Variants in PALLD observed in about 807,000 individuals in gnomAD.
PALLD encodes palladin, cytoskeletal associated protein, also known as palladin.
Under a neutral mutation model 123.5 loss-of-function variants are expected in PALLD, and 61 were observed. That is an observed-to-expected ratio of 0.49 (90% CI 0.40 to 0.61). The LOEUF (loss-of-function observed/expected upper bound fraction) is 0.61, where lower values mean the gene tolerates loss of function less well. PALLD is among the 20% of genes least tolerant of loss of function. The pLI, the probability that PALLD is intolerant of heterozygous loss-of-function variation, is 0.00. For synonymous variants in PALLD, 465 were observed against 496.4 expected (o/e 0.94, Z 0.84); for missense variants, 1,273 against 1,377.0 (o/e 0.92, Z 1.20).
chr4:168,822,359 G>A (rs1581643477), intron 10 of PALLD, among the ~76,000 whole-genome samples: 1 of 152,226 alleles, frequency 6.6e-6, no homozygotes, highest in East Asian at 1.9e-4. Flanking sequence ...AAGGAAATCT[G>A]TAGGCACTTA....
chr4:168,617,151 C>T (rs1363460703), intron 2 of PALLD, among the ~76,000 whole-genome samples: 3 of 152,170 alleles, frequency 2.0e-5, no homozygotes, highest in African/African-American at 7.2e-5. Context: ...AATTTGACAA[C>T]AATGAGCCTG....
chr4:168,730,160 T>A (rs11943502), intron 10 of PALLD, among the ~76,000 whole-genome samples: 92,893 of 152,008 alleles, frequency 0.61, 28,838 homozygotes, highest in African/African-American at 0.72. Context: ...TATTATTACA[T>A]TAATAAAACT....
chr4:168,673,987 T>C (rs1780578504), intron 3 of PALLD, among the ~76,000 whole-genome samples: 1 of 152,056 alleles, frequency 6.6e-6, no homozygotes, highest in Non-Finnish European at 1.5e-5. Context: ...CGATCTCGGC[T>C]CACTGCAACC....
chr4:168,919,906 G>A (rs1761083911), intron 17 of PALLD, among the ~76,000 whole-genome samples: 1 of 152,176 alleles, frequency 6.6e-6, no homozygotes, highest in Admixed American at 6.5e-5. Context: ...GGTACAAGGG[G>A]CATTCTCTTT....
At chr4:168,924,610 G>C (rs192510579) in intron 19 of PALLD, among the ~76,000 whole-genome samples, 190 bp downstream of exon 19, 5 of 152,230 alleles carry the variant, frequency 3.3e-5, no homozygotes, top group African/African-American at 7.2e-5. Context: ...GGAAGCTATG[G>C]GTGTTTGATC....
At chr4:168,876,977 C>T (rs1359145051) in intron 10 of PALLD, among the ~76,000 whole-genome samples, 1 of 152,130 alleles carries the variant, frequency 6.6e-6, no homozygotes, top group African/African-American at 2.4e-5. Flanking sequence ...TATCTCTTCT[C>T]AATGGTAAAT....
intron 14 of PALLD, among the ~76,000 whole-genome samples, chr4:168,899,743 C>T (rs1463743397): frequency 6.6e-6 from 1 of 151,876 alleles, no homozygotes; most frequent in Non-Finnish European, 1.5e-5. Context: ...ATGGTGAAAC[C>T]CCATCTCTAC....
chr4:168,517,220 T>A (rs1281108767), intron 2 of PALLD, among the ~76,000 whole-genome samples: 1 of 152,180 alleles, frequency 6.6e-6, no homozygotes, highest in Admixed American at 6.5e-5. Context: ...TCCTGTTTTA[T>A]CTACAAGTAG....
At chr4:168,541,848 G>A (rs1314035737) in intron 2 of PALLD, among the ~76,000 whole-genome samples, 1 of 152,158 alleles carries the variant, frequency 6.6e-6, no homozygotes, top group Admixed American at 6.5e-5. Flanking sequence ...ATGTTGAAAA[G>A]TGTCCCTTCC....
chr4:168,498,939 C>T (rs1761038676), intron 1 of PALLD, among the ~76,000 whole-genome samples: 1 of 151,752 alleles, frequency 6.6e-6, no homozygotes, highest in African/African-American at 2.4e-5. Context: ...GCTGTTTCTG[C>T]ATTAAATGAG....
chr4:168,588,678 G>A (rs1327866407), intron 2 of PALLD, among the ~76,000 whole-genome samples: 1 of 152,148 alleles, frequency 6.6e-6, no homozygotes, highest in Non-Finnish European at 1.5e-5. Flanking sequence ...AAAGTGCTGG[G>A]ATTACAGGTG....
chr4:168,554,937 A>T (rs926415469), intron 2 of PALLD, among the ~76,000 whole-genome samples: 1 of 152,206 alleles, frequency 6.6e-6, no homozygotes, highest in African/African-American at 2.4e-5. Flanking sequence ...ACAAATTAAA[A>T]ACACTGGAAC....
intron 12 of PALLD, among the ~76,000 whole-genome samples, 158 bp from the exon 13 acceptor site, chr4:168,896,391 A>G (rs1299354996): frequency 6.6e-6 from 1 of 152,228 alleles, no homozygotes; most frequent in Admixed American, 6.5e-5. Context: ...TCCTGTACCA[A>G]AAGTGAGAAG....
At chr4:168,678,132 G>A (rs1321539849) in intron 3 of PALLD, 2 of 152,186 alleles carry the variant, frequency 1.3e-5, no homozygotes, top group Admixed American at 1.3e-4. Flanking sequence ...AGGTCACGTG[G>A]TGTGGGGGCA....
At chr4:168,823,398 C>T (rs1211264511) in intron 10 of PALLD, among the ~76,000 whole-genome samples, 4 of 152,138 alleles carry the variant, frequency 2.6e-5, no homozygotes, top group South Asian at 2.1e-4. Flanking sequence ...ATCCCTTTCT[C>T]GGCAAGGTAG....
intron 2 of PALLD, among the ~76,000 whole-genome samples, chr4:168,586,818 G>T (rs1770869341): frequency 6.6e-6 from 1 of 151,966 alleles, no homozygotes; most frequent in Non-Finnish European, 1.5e-5. Flanking sequence ...TCTCAATTCT[G>T]CATTAATTCT....
Position 168,600,091 on chromosome 4 carries a change from G to GTGTATACACACACATATACATA in PALLD, c.909-68099_909-68098insTGTATACACACACATATACATA, listed in dbSNP as rs1561291419. On this transcript the variant is annotated intron_variant, in intron 2 of 21. Coordinates refer to ENST00000505667, the MANE Select transcript of PALLD (RefSeq NM_001166108.2). Reference sequence around the variant, plus strand: ...TGTGTATACACACACATATATACATGCATGTGTATGCACACATATATATAC... The same window carrying GTGTATACACACACATATACATA: ...TGTGTATACACACACATATATACATGTGTATACACACACATATACATACATGTGTATGCACACATATATATAC... Among the ~76,000 whole-genome samples the GTGTATACACACACATATACATA allele has an allele frequency of 3.1e-4, 42 of 133,896 alleles. 1 individual carries two copies. The highest frequency in any genetic ancestry group is 1.1e-3 in the African/African-American group (42 of 38,510). The allele number at this position is 133,896 out of a possible 152,430, so 87.8% of individuals were successfully genotyped here.
chr4:168,519,984 A>G (rs1361109804), intron 2 of PALLD, among the ~76,000 whole-genome samples: 1 of 152,166 alleles, frequency 6.6e-6, no homozygotes, highest in Admixed American at 6.5e-5. Context: ...AATATTCCCT[A>G]GAACACCCAA....
intron 10 of PALLD, among the ~76,000 whole-genome samples, chr4:168,826,663 A>G (rs1743459108): frequency 6.6e-6 from 1 of 152,050 alleles, no homozygotes; most frequent in South Asian, 2.1e-4. Context: ...GTTTTGCAAA[A>G]ACAAAATTAA....
Sources: allele counts gnomAD v4.1 joint callset (sites outside exome capture counted in the v4.1 genomes callset), GRCh38; gene constraint gnomAD v4.1.1; transcripts MANE v1.5; gene names NCBI Gene and HGNC (gene_info 2026-07-23, HGNC 2026-07-21).